POU6F2: variants seen among roughly 807,000 people sequenced by gnomAD.
POU6F2 encodes the protein POU domain, class 6, transcription factor 2.
A neutral mutation model predicts 71.3 loss-of-function variants in POU6F2; 31 were observed. The ratio of observed to expected loss-of-function variants is 0.43; its 90% CI spans 0.33 to 0.59. POU6F2 has a LOEUF of 0.59. Ranked by LOEUF, POU6F2 falls within the 20% of genes least tolerant of loss-of-function variation. The pLI is 0.04. For missense variants in POU6F2, 783 were observed against 856.8 expected (o/e 0.91, Z 1.07); for synonymous variants, 347 against 355.7 (o/e 0.98, Z 0.27).
At chr7:39,440,487 C>T (rs1339754771) in intron 7 of POU6F2, among the ~76,000 whole-genome samples, 1 of 152,148 alleles carries the variant, frequency 6.6e-6, no homozygotes, top group Non-Finnish European at 1.5e-5. Flanking sequence ...GCTATTGACA[C>T]TTGTGTATGC....
chr7:39,283,835 C>G (rs1227896514), intron 4 of POU6F2, among the ~76,000 whole-genome samples: 1 of 152,174 alleles, frequency 6.6e-6, no homozygotes, highest in Non-Finnish European at 1.5e-5. Flanking sequence ...AACTTATTTT[C>G]CTTTCTAACT....
chr7:39,188,452 G>A (rs1281348038), intron 2 of POU6F2, among the ~76,000 whole-genome samples: 1 of 152,058 alleles, frequency 6.6e-6, no homozygotes, highest in Non-Finnish European at 1.5e-5. Context: ...AGCTGGGATT[G>A]CAGGTGCACA....
At chr7:39,370,968 T>C (rs1786593701) in intron 5 of POU6F2, among the ~76,000 whole-genome samples, 1 of 152,194 alleles carries the variant, frequency 6.6e-6, no homozygotes. Context: ...GACAGAGATA[T>C]CTCCTATTAG....
At chr7:39,287,715 T>C (rs2128761310) in intron 4 of POU6F2, among the ~76,000 whole-genome samples, 1 of 152,298 alleles carries the variant, frequency 6.6e-6, no homozygotes. Context: ...CATTCTTTGG[T>C]TCCCAGGTGC....
intron 1 of POU6F2, among the ~76,000 whole-genome samples, chr7:39,036,382 C>G (rs960522999): frequency 6.6e-6 from 1 of 152,058 alleles, no homozygotes; most frequent in African/African-American, 2.4e-5. Flanking sequence ...TCTCAGGAAT[C>G]AGAAATACTA....
At chr7:39,095,033 T>A (rs1791428374) in intron 2 of POU6F2, among the ~76,000 whole-genome samples, 1 of 152,192 alleles carries the variant, frequency 6.6e-6, no homozygotes, top group South Asian at 2.1e-4. Flanking sequence ...AAATATTGCA[T>A]GAAACTCCTA....
chr7:39,356,250 C>T (rs1429265192), intron 5 of POU6F2, among the ~76,000 whole-genome samples: 1 of 152,184 alleles, frequency 6.6e-6, no homozygotes, highest in Non-Finnish European at 1.5e-5. Context: ...TACTCATCAC[C>T]CCATCCTCCA....
intron 2 of POU6F2, among the ~76,000 whole-genome samples, chr7:39,179,615 A>C (rs1388074017): frequency 6.6e-6 from 1 of 152,256 alleles, no homozygotes; most frequent in Non-Finnish European, 1.5e-5. Context: ...TAAAATGCAG[A>C]TCTTGATCCA....
intron 1 of POU6F2, among the ~76,000 whole-genome samples, chr7:38,997,720 G>A (rs925666745): frequency 1.3e-5 from 2 of 152,100 alleles, no homozygotes; most frequent in Non-Finnish European, 2.9e-5. Flanking sequence ...TATTTGTTAA[G>A]CAAATTTCTT....
intron 4 of POU6F2, among the ~76,000 whole-genome samples, chr7:39,323,413 T>TA (rs761872030): frequency 1.7e-4 from 26 of 152,350 alleles, no homozygotes; most frequent in Non-Finnish European, 3.1e-4. Context: ...CCTGATTTTT[T>TA]AGTCTTGTCA....
At chr7:39,266,695 CTT>C (rs35508359) in intron 4 of POU6F2, among the ~76,000 whole-genome samples, 11 of 105,112 alleles carry the variant, frequency 1.0e-4, no homozygotes, top group Admixed American at 6.7e-4. Context: ...CGCACCTGGC[CTT>C]TTTTTTTTTT....
intron 5 of POU6F2, among the ~76,000 whole-genome samples, chr7:39,371,253 C>T (rs1032062253): frequency 2.0e-5 from 3 of 151,536 alleles, no homozygotes; most frequent in Admixed American, 1.3e-4. Context: ...GATCTTGGCT[C>T]ACTGCAACCT....
At chr7:39,364,367 T>A (rs1394689777) in intron 5 of POU6F2, among the ~76,000 whole-genome samples, 4 of 152,074 alleles carry the variant, frequency 2.6e-5, no homozygotes, top group African/African-American at 9.6e-5. Context: ...TCCCATCACC[T>A]AAGCAGTATA....
intron 2 of POU6F2, among the ~76,000 whole-genome samples, chr7:39,115,144 AG>A: frequency 6.6e-6 from 1 of 152,348 alleles, no homozygotes; most frequent in South Asian, 2.1e-4. Context: ...TAGGAGATCC[AG>A]ATGGATGCCC....
intron 4 of POU6F2, among the ~76,000 whole-genome samples, chr7:39,277,957 T>C (rs757112325): frequency 6.6e-6 from 1 of 151,992 alleles, no homozygotes; most frequent in African/African-American, 2.4e-5. Flanking sequence ...CTTGGGAGGC[T>C]GAGTCAGGAG....
chr7:39,246,773 A>AT (rs202185820), intron 4 of POU6F2, among the ~76,000 whole-genome samples: 19,418 of 147,884 alleles, frequency 0.13, 1,243 homozygotes, highest in Middle Eastern at 0.16. Context: ...GAACCAGGAC[A>AT]TTTTTTTTTT....
At chr7:39,098,662 C>A (rs1462072261) in intron 2 of POU6F2, among the ~76,000 whole-genome samples, 1 of 152,202 alleles carries the variant, frequency 6.6e-6, no homozygotes, top group Non-Finnish European at 1.5e-5. Context: ...CACTTTTTCA[C>A]TGGCTGGGTA....
intron 2 of POU6F2, among the ~76,000 whole-genome samples, chr7:39,142,750 T>C (rs1401082402): frequency 6.6e-6 from 1 of 152,192 alleles, no homozygotes; most frequent in African/African-American, 2.4e-5. Context: ...TAATACAGTA[T>C]AAAAGAAAAA....
intron 1 of POU6F2, among the ~76,000 whole-genome samples, chr7:39,068,750 G>A (rs1014846739): frequency 6.6e-6 from 1 of 152,158 alleles, no homozygotes; most frequent in Non-Finnish European, 1.5e-5. Flanking sequence ...ACAAAGCTGT[G>A]TATTGCTGTG....
Sources: allele counts gnomAD v4.1 joint callset (sites outside exome capture counted in the v4.1 genomes callset), GRCh38; gene constraint gnomAD v4.1.1; transcripts MANE v1.5; gene names NCBI Gene and HGNC (gene_info 2026-07-23, HGNC 2026-07-21).